PEX26: variants seen among roughly 807,000 people sequenced by gnomAD.
The protein encoded by PEX26 is peroxisome assembly protein 26.
In PEX26, 18 loss-of-function variants were observed where a neutral mutation model predicts 31.4. That is an observed-to-expected ratio of 0.57 (90% confidence interval 0.40 to 0.85). The LOEUF is 0.85. Ranked by LOEUF, PEX26 falls within the 40% of genes least tolerant of loss-of-function variation. The probability of loss-of-function intolerance (pLI) is 0.00; values close to 1 mark genes in which losing one functional copy is unlikely to be tolerated. For missense variants in PEX26, 377 were observed against 383.9 expected (o/e 0.98, Z 0.15); for synonymous variants, 176 against 166.9 (o/e 1.05, Z -0.42).
Position 18,094,219 on chromosome 22 carries a change from C to CTTTTTTT in PEX26, c.*6148_*6154dup, listed in dbSNP as rs361590. On this transcript the variant is annotated 3_prime_UTR_variant, in exon 5 of 5. Coordinates refer to ENST00000399744, the MANE Select transcript of PEX26 (RefSeq NM_001127649.3). ...GAAGAGTGTCATTTCAGAAAAAAGC[C>CTTTTTTT]TTTTTTTTTTGAGATGGAGTCTCGC... 1.3e-5 allele frequency: 2 copies of CTTTTTTT among 149,288 alleles called. No individual in the cohort carries two copies. Among genetic ancestry groups the CTTTTTTT allele is most frequent in the Non-Finnish European group, 1.5e-5 (1 of 67,214 alleles). 9.2% of individuals were successfully genotyped at this position (149,288 alleles called of 1,614,324 possible). A position where few individuals can be genotyped will look rare whatever the true frequency, so the allele number is the denominator to read the frequency against.
In PEX26 at chr22:18,094,639, T is replaced by A. The variant is rs1202367794; in HGVS notation, c.*6564T>A. 1 of 152,256 alleles carries A rather than the reference T, an allele frequency of 6.6e-6. No individual in the cohort carries two copies. The highest frequency in any genetic ancestry group is 1.5e-5 in the Non-Finnish European group (1 of 68,058). 9.4% of individuals were successfully genotyped at this position (152,256 alleles called of 1,614,324 possible). A position where few individuals can be genotyped will look rare whatever the true frequency, so the allele number is the denominator to read the frequency against. On this transcript the variant is annotated 3_prime_UTR_variant, in exon 5 of 5. Transcript: ENST00000399744. ...GAAAAATGCATGCATACTTTTATGT[T>A]ACAGGCTTATTTTCCAAATGCGGTA...
chr22:18,087,454 A>C (rs556073334), intron 4 of PEX26, among the ~76,000 whole-genome samples: 2 of 152,262 alleles, frequency 1.3e-5, no homozygotes, highest in South Asian at 4.1e-4. Context: ...CCTGTGGACG[A>C]CTCTGTTTGC....
chr22:18,089,232 G>A lies in PEX26; in HGVS notation c.*1157G>A, dbSNP rs1926977125. 1 of 152,654 alleles carries A rather than the reference G, an allele frequency of 6.6e-6. No homozygotes were observed. Among genetic ancestry groups the A allele is most frequent in the Non-Finnish European group, 1.5e-5 (1 of 68,114 alleles). The allele number at this position is 152,654 out of a possible 1,614,324, so 9.5% of individuals were successfully genotyped here. A position where few individuals can be genotyped will look rare whatever the true frequency, so the allele number is the denominator to read the frequency against. On this transcript the variant is annotated 3_prime_UTR_variant, in exon 5 of 5. Coordinates refer to ENST00000399744, the MANE Select transcript of PEX26 (RefSeq NM_001127649.3). ...TTCTGTGTCCCATTGTCCTAGTTAT[G>A]TTCTGTTGTTTGTGTAATGCCCAAA...
chr22:18,096,419 A>C lies in PEX26; in HGVS notation c.*8344A>C, dbSNP rs1473170370. ...GAACTAGGCTTTGCAAATGGCTCTGAATTTTTTTTTTTTTTTTGAGATGGA... is the reference window on the plus strand; with the variant it reads ...GAACTAGGCTTTGCAAATGGCTCTGCATTTTTTTTTTTTTTTTGAGATGGA... On this transcript the variant is annotated 3_prime_UTR_variant, in exon 5 of 5. Coordinates refer to ENST00000399744, the MANE Select transcript of PEX26 (RefSeq NM_001127649.3). 1 of 150,342 alleles carries C rather than the reference A, an allele frequency of 6.7e-6. No individual in the cohort carries two copies. The highest frequency in any genetic ancestry group is 1.9e-4 in the East Asian group (1 of 5,138). The allele number at this position is 150,342 out of a possible 1,614,324, so 9.3% of individuals were successfully genotyped here.
rs2123682949 is a variant in PEX26 at position 18,104,804 on chromosome 22, C to T, written c.*16729C>T. The stretch of plus-strand genomic sequence containing the variant: ...CAGGGGAATTTGTCCCATGATTCAC[C>T]TCCTCTTTGGTGATCTCTTGATTGC... On this transcript the variant is annotated 3_prime_UTR_variant, in exon 5 of 5. Coordinates refer to ENST00000399744, the MANE Select transcript of PEX26 (RefSeq NM_001127649.3). The T allele has an allele frequency of 6.6e-6, 1 of 152,326 alleles. No individual in the cohort carries two copies. The highest frequency in any genetic ancestry group is 1.5e-5 in the Non-Finnish European group (1 of 68,074). 9.4% of individuals were successfully genotyped at this position (152,326 alleles called of 1,614,324 possible).
Position 18,078,492 on chromosome 22 carries a change from A to G in PEX26, c.116A>G (p.Glu39Gly), listed in dbSNP as rs767551808. 6.4e-7 allele frequency: 1 copy of G among 1,572,086 alleles called. No homozygotes were observed. The highest frequency in any genetic ancestry group is 1.1e-5 in the South Asian group (1 of 87,456). The change falls in exon 1 of 5, where the codon GAG becomes GGG. Residue 39 changes from glutamate (E) to glycine (G), a missense_variant. Coordinates refer to ENST00000399744, the MANE Select transcript of PEX26 (RefSeq NM_001127649.3). ...PARAPAVDLL[E>G]EAADLLVVHL... ...CGGGCGCCGGCCGTGGACCTTCTGG[A>G]GGAGGCGGCCGACCTCCTGGTGGTG...
At chr22:18,081,245 TACACACACACACACACAC>T (rs59081749) in intron 2 of PEX26, among the ~76,000 whole-genome samples, 4 of 138,024 alleles carry the variant, frequency 2.9e-5, no homozygotes, top group African/African-American at 1.1e-4. Flanking sequence ...TGTACACATA[TACACACACACACACACAC>T]ACACACACAC....
Position 18,098,005 on chromosome 22 carries a change from G to A in PEX26, c.*9930G>A, listed in dbSNP as rs1927346050. On this transcript the variant is annotated 3_prime_UTR_variant, in exon 5 of 5. Transcript: ENST00000399744. ...AGGCAGGTGGATCATGAGGCCAGGAGTTTGAGACCAGCCTGGCCAACATGA... is the reference window on the plus strand; with the variant it reads ...AGGCAGGTGGATCATGAGGCCAGGAATTTGAGACCAGCCTGGCCAACATGA... 6.6e-6 allele frequency: 1 copy of A among 152,300 alleles called. No individual in the cohort carries two copies. Among genetic ancestry groups the A allele is most frequent in the African/African-American group, 2.4e-5 (1 of 41,470 alleles). The allele number at this position is 152,300 out of a possible 1,614,324, so 9.4% of individuals were successfully genotyped here.
intron 2 of PEX26, among the ~76,000 whole-genome samples, chr22:18,081,069 C>T (rs1926562641): frequency 6.7e-6 from 1 of 150,338 alleles, no homozygotes; most frequent in Admixed American, 6.7e-5. Flanking sequence ...GCTTATTTCA[C>T]TTAACATGAT....
At position 18,078,105 on chromosome 22, in the gene PEX26, G is replaced by C. The variant is rs1272979493; in HGVS notation, c.-272G>C. 1 of 620,816 alleles carries C rather than the reference G, an allele frequency of 1.6e-6. No homozygotes were observed. The highest frequency in any genetic ancestry group is 3.0e-6 in the Non-Finnish European group (1 of 333,432). The allele number at this position is 620,816 out of a possible 1,614,324, so 38.5% of individuals were successfully genotyped here. ...CTGAGGCAGTTCCTGCACGTGTCGC[G>C]GGGCCGGAGAAGCTAGGGCCAGGTA... On this transcript the variant is annotated 5_prime_UTR_variant, in exon 1 of 5. Transcript: ENST00000399744.
Position 18,088,090 on chromosome 22 carries a change from C to T in PEX26, c.*15C>T, listed in dbSNP as rs779730209. 2.3e-5 allele frequency: 35 copies of T among 1,519,736 alleles called. No homozygotes were observed. The African/African-American group carries it at 4.5e-4, about 20-fold the overall frequency. The allele number at this position is 1,519,736 out of a possible 1,614,324, so 94.1% of individuals were successfully genotyped here. A position where few individuals can be genotyped will look rare whatever the true frequency, so the allele number is the denominator to read the frequency against. On this transcript the variant is annotated 3_prime_UTR_variant, in exon 5 of 5. Coordinates refer to ENST00000399744, the MANE Select transcript of PEX26 (RefSeq NM_001127649.3). The surrounding 1 kb of genome is among the most constrained non-coding windows in gnomAD (Gnocchi z 4.1). ...TCCGTGACTGAGGGTCCCTGCGCAC[C>T]ACAGCCTCTCTGCTCCTCACGTCCG... is the stretch of plus-strand genomic sequence containing the variant.
chr22:18,083,943 A>G (rs1463974734), intron 3 of PEX26, among the ~76,000 whole-genome samples: 1 of 152,202 alleles, frequency 6.6e-6, no homozygotes, highest in African/African-American at 2.4e-5. Context: ...CCACATGGGA[A>G]GGTGTTGCTG....
intron 1 of PEX26, chr22:18,078,916 C>T (rs1926428979): frequency 1.9e-6 from 1 of 527,918 alleles, no homozygotes; most frequent in Non-Finnish European, 3.6e-6. Context: ...GGTAAAAGTC[C>T]TCTCCCAGGT....
rs1443351250 is a variant in PEX26 at position 18,093,738 on chromosome 22, G to A, written c.*5663G>A. 2.0e-5 allele frequency: 3 copies of A among 152,156 alleles called. No individual in the cohort carries two copies. Among genetic ancestry groups the A allele is most frequent in the African/African-American group, 4.8e-5 (2 of 41,434 alleles). 9.4% of individuals were successfully genotyped at this position (152,156 alleles called of 1,614,324 possible). A position where few individuals can be genotyped will look rare whatever the true frequency, so the allele number is the denominator to read the frequency against. ...GCAGTATGAAGAAAAGAGATGCCCC[G>A]GGTACGACCCCATTTCTATTAAAAA... On this transcript the variant is annotated 3_prime_UTR_variant, in exon 5 of 5. Transcript: ENST00000399744.
Position 18,096,420 on chromosome 22 carries a change from AT to A in PEX26, c.*8361del, listed in dbSNP as rs1290894137. 4.9e-3 allele frequency: 697 copies of A among 142,184 alleles called. 2 individuals carry two copies. The highest frequency in any genetic ancestry group is 8.8e-3 in the African/African-American group (341 of 38,860). 8.8% of individuals were successfully genotyped at this position (142,184 alleles called of 1,614,324 possible). A position where few individuals can be genotyped will look rare whatever the true frequency, so the allele number is the denominator to read the frequency against. On this transcript the variant is annotated 3_prime_UTR_variant, in exon 5 of 5. Coordinates refer to ENST00000399744, the MANE Select transcript of PEX26 (RefSeq NM_001127649.3). ...AACTAGGCTTTGCAAATGGCTCTGA[AT>A]TTTTTTTTTTTTTTTGAGATGGAGT...
chr22:18,088,487 C>G lies in PEX26; in HGVS notation c.*412C>G, dbSNP rs2123663107. The G allele has an allele frequency of 3.0e-6, 1 of 332,276 alleles. No individual in the cohort carries two copies. Among genetic ancestry groups the G allele is most frequent in the East Asian group, 7.6e-5 (1 of 13,198 alleles). 20.6% of individuals were successfully genotyped at this position (332,276 alleles called of 1,614,324 possible). On this transcript the variant is annotated 3_prime_UTR_variant, in exon 5 of 5. Coordinates refer to ENST00000399744, the MANE Select transcript of PEX26 (RefSeq NM_001127649.3). This position sits in a 1 kb window ranked among gnomAD's most constrained non-coding sequence, Gnocchi z 4.1. ...CCTTGGCCTTTCACTTCTTGAGAAA[C>G]ATACTTCTTTGCTGGGCATGGTGAC... is the stretch of plus-strand genomic sequence containing the variant.
At chr22:18,081,665 G>A (rs1244780028) in intron 2 of PEX26, 1 of 170,236 alleles carries the variant, frequency 5.9e-6, no homozygotes, top group Non-Finnish European at 1.3e-5. Context: ...GCATTTGGGG[G>A]TGGGCAGGCA....
chr22:18,086,637 A>C (rs113129535), intron 4 of PEX26, among the ~76,000 whole-genome samples: 1 of 152,102 alleles, frequency 6.6e-6, no homozygotes, highest in Non-Finnish European at 1.5e-5. Context: ...CAAACTTGGC[A>C]CTCGCTCTTT....
chr22:18,081,632 T>C, intron 2 of PEX26: 1 of 167,028 alleles, frequency 6.0e-6, no homozygotes, highest in Non-Finnish European at 1.3e-5. Context: ...AGAGATTTGC[T>C]GGCAGTAGAG....
Sources: gnomAD v4.1 joint callset for allele counts (sites outside exome capture counted in the v4.1 genomes callset) on GRCh38, gnomAD v4.1.1 for gene constraint, Gnocchi (gnomAD v3.1) non-coding constraint, MANE v1.5 for transcripts, NCBI Gene and HGNC (gene_info 2026-07-23, HGNC 2026-07-21) for gene names.